PTPRD: variants seen among roughly 807,000 people sequenced by gnomAD.
The protein encoded by PTPRD is protein tyrosine phosphatase receptor type D.
A neutral mutation model predicts 214.5 loss-of-function variants in PTPRD; 34 were observed. The observed-to-expected ratio is 0.16, with a 90% CI of 0.12 to 0.21. The LOEUF (loss-of-function observed/expected upper bound fraction) is 0.21. Among genes scored for constraint, PTPRD ranks in the 10% least tolerant of loss-of-function variants. PTPRD has a pLI of 1.00. For synonymous variants in PTPRD, 1,128 were observed against 845.7 expected, an observed-to-expected ratio of 1.33 and a Z score of -5.79; for missense variants, 2,545 against 2,398.7, an observed-to-expected ratio of 1.06 and a Z score of -1.27.
intron 10 of PTPRD, among the ~76,000 whole-genome samples, chr9:9,028,642 T>C (rs969976130): frequency 3.2e-4 from 48 of 152,068 alleles, no homozygotes; most frequent in African/African-American, 1.1e-3. Context: ...ATGAAAGACA[T>C]TATGCTAAGT....
intron 14 of PTPRD, among the ~76,000 whole-genome samples, chr9:8,534,136 C>G (rs1055899779): frequency 6.6e-6 from 1 of 151,968 alleles, no homozygotes; most frequent in African/African-American, 2.4e-5. Context: ...TAATTTATCA[C>G]GGTTGCTATG....
At chr9:10,109,226 T>G (rs2098667158) in intron 3 of PTPRD, among the ~76,000 whole-genome samples, 2 of 152,234 alleles carry the variant, frequency 1.3e-5, no homozygotes, top group Non-Finnish European at 2.9e-5. Context: ...CTGTGAAGTT[T>G]TGTTTCTGAT....
intron 12 of PTPRD, among the ~76,000 whole-genome samples, chr9:8,706,572 C>T (rs185352641): frequency 7.9e-5 from 12 of 152,138 alleles, no homozygotes; most frequent in African/African-American, 2.4e-4. Flanking sequence ...GGAAACAGAG[C>T]GATTATCCCA....
intron 7 of PTPRD, among the ~76,000 whole-genome samples, chr9:9,583,981 A>C (rs1485418044): frequency 6.6e-6 from 1 of 152,056 alleles, no homozygotes; most frequent in African/African-American, 2.4e-5. Flanking sequence ...GCCAATTGGC[A>C]ATTCAGAGGC....
chr9:8,722,056 T>C (rs576565008), intron 12 of PTPRD, among the ~76,000 whole-genome samples: 1 of 152,172 alleles, frequency 6.6e-6, no homozygotes, highest in Non-Finnish European at 1.5e-5. Context: ...AATTCCTTGA[T>C]AAGAAAAATC....
intron 2 of PTPRD, among the ~76,000 whole-genome samples, chr9:10,473,165 A>G (rs1490211044): frequency 1.2e-5 from 1 of 86,676 alleles, no homozygotes; most frequent in African/African-American, 4.8e-5. Flanking sequence ...ATGTGGCCAC[A>G]TTAAATTCAA....
At chr9:8,673,835 G>T (rs1355388321) in intron 12 of PTPRD, among the ~76,000 whole-genome samples, 2 of 152,058 alleles carry the variant, frequency 1.3e-5, no homozygotes, top group East Asian at 1.9e-4. Context: ...TGCATGATTT[G>T]TTATAAGTGC....
intron 8 of PTPRD, among the ~76,000 whole-genome samples, chr9:9,443,092 A>G (rs2144598639): frequency 6.6e-6 from 1 of 152,294 alleles, no homozygotes; most frequent in East Asian, 1.9e-4. Flanking sequence ...TGCATCACAG[A>G]AGAAAATTGA....
intron 8 of PTPRD, among the ~76,000 whole-genome samples, chr9:9,431,377 T>G (rs540296227): frequency 6.6e-6 from 1 of 152,124 alleles, no homozygotes. Context: ...CCAGTTAGAA[T>G]GGCGATCATT....
chr9:9,930,991 C>CT (rs1383839604), intron 5 of PTPRD, among the ~76,000 whole-genome samples: 2 of 151,960 alleles, frequency 1.3e-5, no homozygotes, highest in African/African-American at 4.8e-5. Flanking sequence ...TTTAAATATG[C>CT]TTTTAACACA....
intron 11 of PTPRD, among the ~76,000 whole-genome samples, chr9:8,999,211 A>G (rs2099408312): frequency 6.6e-6 from 1 of 152,098 alleles, no homozygotes; most frequent in Non-Finnish European, 1.5e-5. Flanking sequence ...GCTATCAAAC[A>G]CCATCACACA....
At chr9:10,481,658 T>C (rs1034505187) in intron 2 of PTPRD, among the ~76,000 whole-genome samples, 2 of 152,204 alleles carry the variant, frequency 1.3e-5, no homozygotes, top group Non-Finnish European at 2.9e-5. Context: ...CATGAACTTA[T>C]TGTAAATACT....
At chr9:8,521,024 C>T (rs556791297) in intron 20 of PTPRD, among the ~76,000 whole-genome samples, 17 of 152,070 alleles carry the variant, frequency 1.1e-4, no homozygotes, top group Non-Finnish European at 2.4e-4. Context: ...CTGGTTAGTG[C>T]CTGGGCCTCC....
chr9:9,641,900 C>T (rs535197026), intron 7 of PTPRD, among the ~76,000 whole-genome samples: 76 of 152,192 alleles, frequency 5.0e-4, no homozygotes, highest in African/African-American at 1.8e-3. Flanking sequence ...AGGAAGGCCT[C>T]AGGACTCAGA....
chr9:8,636,114 T>A (rs1595779964), intron 13 of PTPRD, among the ~76,000 whole-genome samples: 1 of 152,134 alleles, frequency 6.6e-6, no homozygotes, highest in African/African-American at 2.4e-5. Context: ...AAAACACAGG[T>A]GCGAGGGGCA....
intron 9 of PTPRD, among the ~76,000 whole-genome samples, chr9:9,368,229 A>C (rs2139534893): frequency 6.6e-6 from 1 of 151,920 alleles, no homozygotes; most frequent in African/African-American, 2.4e-5. Context: ...AAATTCACTT[A>C]ACATTATTGG....
chr9:9,943,802 A>G (rs768908672), intron 4 of PTPRD, among the ~76,000 whole-genome samples: 73 of 152,204 alleles, frequency 4.8e-4, no homozygotes, highest in Non-Finnish European at 7.9e-4. Flanking sequence ...GACAACTGAA[A>G]AATCCTTTTT....
chr9:8,709,338 C>A (rs1055922774), intron 12 of PTPRD, among the ~76,000 whole-genome samples: 1 of 151,668 alleles, frequency 6.6e-6, no homozygotes, highest in South Asian at 2.1e-4. Context: ...CACAGTGAAA[C>A]CCTGTCTCTA....
At chr9:10,476,086 C>T (rs1308602544) in intron 2 of PTPRD, among the ~76,000 whole-genome samples, 1 of 152,086 alleles carries the variant, frequency 6.6e-6, no homozygotes, top group Non-Finnish European at 1.5e-5. Context: ...ACAAGTTATG[C>T]CCCCTCTCAC....
Sources: allele counts gnomAD v4.1 joint callset (sites outside exome capture counted in the v4.1 genomes callset), GRCh38; gene constraint gnomAD v4.1.1; transcripts MANE v1.5; gene names NCBI Gene and HGNC (gene_info 2026-07-23, HGNC 2026-07-21).